Variants in AGAP3 observed in about 807,000 individuals in gnomAD.
AGAP3 encodes ArfGAP with GTPase domain, ankyrin repeat and PH domain 3, also known as arf-GAP with GTPase, ANK repeat and PH domain-containing protein 3.
Under a neutral mutation model 96.9 loss-of-function variants are expected in AGAP3, and 24 were observed. The observed-to-expected ratio is 0.25, with a 90% CI of 0.18 to 0.35. The LOEUF (loss-of-function observed/expected upper bound fraction) is 0.35. Ranked by LOEUF, AGAP3 falls within the 10% of genes least tolerant of loss-of-function variation. AGAP3 has a pLI of 1.00. For missense variants in AGAP3, 876 were observed against 1,254.2 expected (o/e 0.70, Z 4.55); for synonymous variants, 563 against 536.1 (o/e 1.05, Z -0.69).
At chr7:151,127,625 G>A (rs959496179) in intron 9 of AGAP3, among the ~76,000 whole-genome samples, 11 of 152,146 alleles carry the variant, frequency 7.2e-5, no homozygotes, top group South Asian at 6.2e-4. Flanking sequence ...CCATCGTGGC[G>A]CTCCCTGGTC....
intron 10 of AGAP3, among the ~76,000 whole-genome samples, chr7:151,128,888 C>T (rs534225820): frequency 2.6e-5 from 4 of 152,206 alleles, no homozygotes; most frequent in African/African-American, 7.2e-5. Context: ...GCCCTCTGGG[C>T]GGTCAAGCTG....
chr7:151,121,611 G>A (rs548276679), intron 8 of AGAP3, among the ~76,000 whole-genome samples: 29 of 151,942 alleles, frequency 1.9e-4, no homozygotes, highest in Non-Finnish European at 3.8e-4. Context: ...CTTGCGCCCC[G>A]TGCTTCCTGC....
At chr7:151,126,635 A>G (rs1004213844) in intron 9 of AGAP3, among the ~76,000 whole-genome samples, 8 of 152,136 alleles carry the variant, frequency 5.3e-5, no homozygotes, top group Non-Finnish European at 1.2e-4. Context: ...CGAGCACGCT[A>G]GTCCCATGGC....
intron 5 of AGAP3, 165 bp downstream of exon 5, chr7:151,117,942 TG>T: frequency 9.4e-7 from 1 of 1,069,326 alleles, no homozygotes; most frequent in South Asian, 1.7e-5. Flanking sequence ...TGAGGGCTTT[TG>T]CCCCCACTGA....
intron 1 of AGAP3, among the ~76,000 whole-genome samples, chr7:151,099,342 C>A (rs1356538177): frequency 2.2e-4 from 30 of 136,310 alleles, no homozygotes; most frequent in Admixed American, 4.3e-4. Flanking sequence ...GACTCCATCT[C>A]AAAAAAAAAA....
At chr7:151,112,794 G>A (rs2150448448) in intron 1 of AGAP3, among the ~76,000 whole-genome samples, 1 of 152,188 alleles carries the variant, frequency 6.6e-6, no homozygotes, top group East Asian at 1.9e-4. Context: ...TAGAGACGGG[G>A]TTTCACCATG....
intron 5 of AGAP3, 167 bp downstream of exon 5, chr7:151,117,944 C>A: frequency 9.4e-7 from 1 of 1,063,642 alleles, no homozygotes; most frequent in South Asian, 1.7e-5. Context: ...AGGGCTTTTG[C>A]CCCCACTGAA....
intron 5 of AGAP3, 160 bp downstream of exon 5, chr7:151,117,937 G>T: frequency 8.9e-7 from 1 of 1,127,228 alleles, no homozygotes; most frequent in Non-Finnish European, 1.2e-6. Context: ...GTGTCTGAGG[G>T]CTTTTGCCCC....
rs558692005 is a variant in AGAP3, at chr7:151,127,299, G to A, written c.1222-1281G>A. ...CCTGTGTTGTTGGCTGTCTTCTGGC[G>A]GGGCCCTCCATTCCTAAAGGAGATG... On this transcript the variant is annotated intron_variant, in intron 9 of 17. Coordinates refer to ENST00000397238, the MANE Select transcript of AGAP3 (RefSeq NM_031946.7). Among the ~76,000 whole-genome samples the A allele has an allele frequency of 1.1e-4, 16 of 152,238 alleles. No homozygotes were observed. The South Asian group carries it at 1.7e-3, about 16-fold the overall frequency.
At chr7:151,116,716 A>G in intron 1 of AGAP3, 77 bp from the exon 2 acceptor site, 4 of 1,545,126 alleles carry the variant, frequency 2.6e-6, no homozygotes, top group South Asian at 1.1e-5. Flanking sequence ...AGGGCATCAT[A>G]GGTGACACAG....
At chr7:151,086,262 G>A (rs1798136160), upstream of AGAP3, among the ~76,000 whole-genome samples, 1 of 151,582 alleles carries the variant, frequency 6.6e-6, no homozygotes, top group Non-Finnish European at 1.5e-5. Context: ...TGAGTGGGAG[G>A]GGCCGGGGCG....
chr7:151,129,462 G>A (rs1260978019), intron 10 of AGAP3, among the ~76,000 whole-genome samples: 2 of 152,198 alleles, frequency 1.3e-5, no homozygotes, highest in Admixed American at 1.3e-4. Flanking sequence ...CGAGAGCACC[G>A]CCCAGACAGC....
In AGAP3 at chr7:151,143,207, CTCCA is replaced by C. The variant is rs1800889040; in HGVS notation, c.2274-131_2274-128del. 5.4e-6 allele frequency: 6 copies of C among 1,112,098 alleles called. No homozygotes were observed. Among genetic ancestry groups the C allele is most frequent in the Non-Finnish European group, 6.3e-6 (5 of 794,086 alleles). 68.9% of individuals were successfully genotyped at this position (1,112,098 alleles called of 1,614,324 possible). A position where few individuals can be genotyped will look rare whatever the true frequency, so the allele number is the denominator to read the frequency against. On this transcript the variant is annotated intron_variant, in intron 16 of 17. Transcript: ENST00000397238. The surrounding 1 kb of genome is among the most constrained non-coding windows in gnomAD (Gnocchi z 5.9). ...CCAAGGCTTCTCTCCTTCCTTTTTGCTCCATCTCATCTTCTCTCACTGTTTCTTC... is the reference window on the plus strand; with the variant it reads ...CCAAGGCTTCTCTCCTTCCTTTTTGCTCTCATCTTCTCTCACTGTTTCTTC...
In AGAP3 at chr7:151,118,382, G is replaced by C; in HGVS notation, c.841+38G>C. The C allele has an allele frequency of 6.3e-7, 1 of 1,597,734 alleles. No individual in the cohort carries two copies. Among genetic ancestry groups the C allele is most frequent in the Non-Finnish European group, 8.6e-7 (1 of 1,167,606 alleles). On this transcript the variant is annotated intron_variant, in intron 6 of 17. Transcript: ENST00000397238. This position sits in a 1 kb window ranked among gnomAD's most constrained non-coding sequence, Gnocchi z 6.1. ...CCGGGTGGGAGTCACTGGCAGCCGC[G>C]GCCCCAGTGCTGGCGATAGGAAGGC...
intron 1 of AGAP3, among the ~76,000 whole-genome samples, chr7:151,097,517 CAAAAAAA>C (rs67915216): frequency 2.1e-5 from 2 of 95,672 alleles, no homozygotes; most frequent in African/African-American, 3.7e-5. Flanking sequence ...GACTCTGTCT[CAAAAAAA>C]AAAAAAAAAA....
Position 151,139,955 on chromosome 7 carries a change from C to G in AGAP3, c.1667-24C>G. 6.6e-7 allele frequency: 1 copy of G among 1,513,892 alleles called. No individual in the cohort carries two copies. Among genetic ancestry groups the G allele is most frequent in the Non-Finnish European group, 8.9e-7 (1 of 1,129,844 alleles). The allele number at this position is 1,513,892 out of a possible 1,614,324, so 93.8% of individuals were successfully genotyped here. Reference sequence around the variant, plus strand: ...CTCCTCTGCCTCCCTTCTTCCCACACTTCTCCAACTCTCCCCTCACCAGCC... The same window carrying G: ...CTCCTCTGCCTCCCTTCTTCCCACAGTTCTCCAACTCTCCCCTCACCAGCC... On this transcript the variant is annotated intron_variant, in intron 12 of 17. Transcript: ENST00000397238. The surrounding 1 kb of genome is among the most constrained non-coding windows in gnomAD (Gnocchi z 4.9).
chr7:151,129,949 A>G (rs1291945912), intron 10 of AGAP3, among the ~76,000 whole-genome samples: 1 of 152,222 alleles, frequency 6.6e-6, no homozygotes, highest in Non-Finnish European at 1.5e-5. Context: ...CCACTCACAG[A>G]CAGGAAGTCC....
rs1222568373 is a variant in AGAP3, at chr7:151,118,589, C to T, written c.926C>T (p.Ser309Leu). 3.7e-6 allele frequency: 6 copies of T among 1,613,886 alleles called. No individual in the cohort carries two copies. The highest frequency in any genetic ancestry group is 3.4e-6 in the Non-Finnish European group (4 of 1,180,042). Reference sequence around the variant, plus strand: ...TCACTGCCCAACTCGCCCAGCCACTCGGCCGTGTCCGCCGCCTCCATCCCG... The same window carrying T: ...TCACTGCCCAACTCGCCCAGCCACTTGGCCGTGTCCGCCGCCTCCATCCCG... ...CKSLPNSPSHSAVSAASIPAV... is the reference protein window; with the variant it reads ...CKSLPNSPSHLAVSAASIPAV... The change falls in exon 7 of 18, where the codon TCG becomes TTG. Residue 309 changes from serine (S) to leucine (L), a missense_variant. Ser to Leu is a moderately radical substitution (Grantham distance 145). This residue lies in a region of AGAP3 where 100 missense variants were observed against 129.4 expected (regional missense o/e 0.77). Coordinates refer to ENST00000397238, the MANE Select transcript of AGAP3 (RefSeq NM_031946.7). This position sits in a 1 kb window ranked among gnomAD's most constrained non-coding sequence, Gnocchi z 6.1.
At position 151,118,723 on chromosome 7, in the gene AGAP3, C is replaced by T; in HGVS notation, c.969+91C>T. The T allele has an allele frequency of 2.7e-6, 4 of 1,484,772 alleles. No homozygotes were observed. The highest frequency in any genetic ancestry group is 3.7e-6 in the Non-Finnish European group (4 of 1,087,998). The allele number at this position is 1,484,772 out of a possible 1,614,324, so 92.0% of individuals were successfully genotyped here. A position where few individuals can be genotyped will look rare whatever the true frequency, so the allele number is the denominator to read the frequency against. On this transcript the variant is annotated intron_variant, in intron 7 of 17. Coordinates refer to ENST00000397238, the MANE Select transcript of AGAP3 (RefSeq NM_031946.7). This position sits in a 1 kb window ranked among gnomAD's most constrained non-coding sequence, Gnocchi z 6.1. Reference sequence around the variant, plus strand: ...GCCACTTCTGCTGGCCTCCTGCTCACACCTGTCCACCTTCCTCTGGCCTCC... The same window carrying T: ...GCCACTTCTGCTGGCCTCCTGCTCATACCTGTCCACCTTCCTCTGGCCTCC...
Sources: gnomAD v4.1 joint callset for allele counts (sites outside exome capture counted in the v4.1 genomes callset) on GRCh38, gnomAD v4.1.1 for gene constraint, gnomAD v4.1.1 regional missense constraint, Gnocchi (gnomAD v3.1) non-coding constraint, MANE v1.5 for transcripts, NCBI Gene and HGNC (gene_info 2026-07-23, HGNC 2026-07-21) for gene names.